SLC25A28: variants seen among roughly 807,000 people sequenced by gnomAD.
The protein encoded by SLC25A28 is solute carrier family 25 member 28.
In SLC25A28, 10 loss-of-function variants were observed where a neutral mutation model predicts 31.9. That is an observed-to-expected ratio of 0.31 (90% CI 0.19 to 0.53). The LOEUF (loss-of-function observed/expected upper bound fraction) is 0.53, where lower values mean the gene tolerates loss of function less well. SLC25A28 is among the 20% of genes least tolerant of loss of function. The pLI, the probability that SLC25A28 is intolerant of heterozygous loss-of-function variation, is 0.95. For missense variants in SLC25A28, 256 were observed against 490.3 expected (o/e 0.52, Z 4.51); for synonymous variants, 208 against 203.6 (o/e 1.02, Z -0.19).
chr10:99,625,956 G>T, the SLC25A28 span, among the ~76,000 whole-genome samples: 6 of 152,232 alleles, frequency 3.9e-5, no homozygotes, highest in Non-Finnish European at 7.3e-5. Context: ...ACATGAGAAA[G>T]CTTGTTAAGC....
At chr10:99,646,798 T>A in the SLC25A28 span, among the ~76,000 whole-genome samples, 1 of 152,308 alleles carries the variant, frequency 6.6e-6, no homozygotes, top group East Asian at 1.9e-4. Context: ...ACCCAACAGG[T>A]AATTTTCTAA....
the SLC25A28 span, among the ~76,000 whole-genome samples, chr10:99,625,649 C>A: frequency 6.6e-6 from 1 of 152,146 alleles, no homozygotes; most frequent in African/African-American, 2.4e-5. Context: ...AGCTAAAGCC[C>A]ATATATTTTT....
At chr10:99,617,228 G>C in intron 1 of SLC25A28, 1 of 985,408 alleles carries the variant, frequency 1.0e-6, no homozygotes, top group Non-Finnish European at 1.2e-6. Context: ...TTGAGGCCCA[G>C]AAAAGGAAAC....
the SLC25A28 span, among the ~76,000 whole-genome samples, chr10:99,632,112 G>C: frequency 7.5e-4 from 113 of 151,296 alleles, no homozygotes; most frequent in African/African-American, 2.6e-3. Context: ...TAGCCAGGAT[G>C]GTCTCGATCT....
the SLC25A28 span, among the ~76,000 whole-genome samples, chr10:99,654,990 T>C: frequency 6.6e-6 from 1 of 152,208 alleles, no homozygotes; most frequent in African/African-American, 2.4e-5. Flanking sequence ...CTGGAAACCT[T>C]AGAACTCAGC....
At chr10:99,646,804 T>TCTAACC in the SLC25A28 span, among the ~76,000 whole-genome samples, 4 of 152,326 alleles carry the variant, frequency 2.6e-5, no homozygotes, top group Non-Finnish European at 4.4e-5. Context: ...CAGGTAATTT[T>TCTAACC]CTAACCCTAA....
the SLC25A28 span, among the ~76,000 whole-genome samples, chr10:99,637,810 A>G: frequency 6.6e-6 from 1 of 152,316 alleles, no homozygotes; most frequent in Admixed American, 6.5e-5. Context: ...ACACAAACAA[A>G]TGGAAACACA....
chr10:99,656,756 G>A, the SLC25A28 span, among the ~76,000 whole-genome samples: 1 of 152,206 alleles, frequency 6.6e-6, no homozygotes, highest in Admixed American at 6.5e-5. Flanking sequence ...TGTAAGGCAA[G>A]CCTTTAAAGA....
the SLC25A28 span, among the ~76,000 whole-genome samples, chr10:99,642,673 G>C: frequency 2.0e-5 from 3 of 152,090 alleles, no homozygotes; most frequent in African/African-American, 7.2e-5. Context: ...TCCAGTTTTT[G>C]CCCATTCAGT....
In SLC25A28 at chr10:99,611,620, C is replaced by T. The variant is rs1299146898; in HGVS notation, c.578-254G>A. Among the ~76,000 whole-genome samples, 1 of 152,122 alleles carries T rather than the reference C, an allele frequency of 6.6e-6. No individual in the cohort carries two copies. Among genetic ancestry groups the T allele is most frequent in the Admixed American group, 6.5e-5 (1 of 15,272 alleles). ...CTTCTGTAAAGCCAGCCAGTTCGCACACAGGACATATCTACAGTTTGGGAG... is the reference window on the plus strand; with the variant it reads ...CTTCTGTAAAGCCAGCCAGTTCGCATACAGGACATATCTACAGTTTGGGAG... On this transcript the variant is annotated intron_variant, in intron 3 of 3. Transcript: ENST00000370495. This position sits in a 1 kb window ranked among gnomAD's most constrained non-coding sequence, Gnocchi z 5.5.
chr10:99,622,208 G>C (rs919435817), upstream of SLC25A28, among the ~76,000 whole-genome samples: 2 of 152,160 alleles, frequency 1.3e-5, no homozygotes, highest in African/African-American at 4.8e-5. Context: ...GGGTATGGTG[G>C]TGTGCACCTG....
the SLC25A28 span, among the ~76,000 whole-genome samples, chr10:99,633,056 T>C: frequency 1.3e-5 from 2 of 152,192 alleles, no homozygotes; most frequent in Non-Finnish European, 2.9e-5. Flanking sequence ...CTCTGTGGTA[T>C]TGTATACTTT....
the SLC25A28 span, among the ~76,000 whole-genome samples, chr10:99,654,063 G>A: frequency 2.0e-5 from 3 of 152,182 alleles, no homozygotes; most frequent in Non-Finnish European, 4.4e-5. Flanking sequence ...TAGTTATGCA[G>A]AGTAAAAGCA....
chr10:99,617,459 C>G (rs1429300376), intron 1 of SLC25A28: 1 of 985,318 alleles, frequency 1.0e-6, no homozygotes, highest in African/African-American at 1.7e-5. Flanking sequence ...TAGGCTCCAA[C>G]AACATGGATA....
At chr10:99,629,132 T>C in the SLC25A28 span, among the ~76,000 whole-genome samples, 1 of 152,194 alleles carries the variant, frequency 6.6e-6, no homozygotes, top group Non-Finnish European at 1.5e-5. Flanking sequence ...GTCATGGGAA[T>C]AGATCCCTCA....
upstream of SLC25A28, among the ~76,000 whole-genome samples, chr10:99,622,854 A>G (rs1206391810): frequency 6.6e-6 from 1 of 152,164 alleles, no homozygotes; most frequent in African/African-American, 2.4e-5. Context: ...CCATGGGAAC[A>G]TTCAGTAATG....
At chr10:99,639,088 T>TTCTCAACATATA in the SLC25A28 span, among the ~76,000 whole-genome samples, 1 of 151,606 alleles carries the variant, frequency 6.6e-6, no homozygotes, top group African/African-American at 2.4e-5. Context: ...ATATATATAT[T>TTCTCAACATATA]TCTCAACATA....
intron 1 of SLC25A28, 37 bp downstream of exon 1, chr10:99,620,008 G>T: frequency 6.5e-7 from 1 of 1,545,878 alleles, no homozygotes; most frequent in East Asian, 2.5e-5. Flanking sequence ...GGTCGGGTCA[G>T]CCCCAGGTCG....
At chr10:99,621,902 C>T (rs140563256), upstream of SLC25A28, 1 of 152,300 alleles carries the variant, frequency 6.6e-6, no homozygotes, top group Non-Finnish European at 1.5e-5. Flanking sequence ...AATAAAACTA[C>T]GAATTCTCTT....
Sources: allele counts gnomAD v4.1 joint callset (sites outside exome capture counted in the v4.1 genomes callset), GRCh38; gene constraint gnomAD v4.1.1; non-coding constraint Gnocchi (gnomAD v3.1); transcripts MANE v1.5; gene names NCBI Gene and HGNC (gene_info 2026-07-23, HGNC 2026-07-21).